The following EPC2 variants were observed in gnomAD, a reference collection of about 807,000 sequenced individuals.
EPC2 encodes enhancer of polycomb 2.
Under a neutral mutation model 92.1 loss-of-function variants are expected in EPC2, and 14 were observed. That is an observed-to-expected ratio of 0.15 (90% CI 0.10 to 0.24). The LOEUF (loss-of-function observed/expected upper bound fraction) is 0.24, where lower values mean the gene tolerates loss of function less well. Ranked by LOEUF, EPC2 falls within the 10% of genes least tolerant of loss-of-function variation. The pLI is 1.00. For missense variants in EPC2, 755 were observed against 971.5 expected (o/e 0.78, Z 2.96); for synonymous variants, 340 against 334.7 (o/e 1.02, Z -0.17).
chr2:148,689,714 T>C (rs1360389402), intron 1 of EPC2, among the ~76,000 whole-genome samples: 1 of 152,240 alleles, frequency 6.6e-6, no homozygotes, highest in Non-Finnish European at 1.5e-5. Flanking sequence ...ATTTAACCTT[T>C]ATTTAAAAAT....
chr2:148,775,637 A>AATAAAATCT (rs1683617674), intron 10 of EPC2, among the ~76,000 whole-genome samples: 1 of 6,144 alleles, frequency 1.6e-4, no homozygotes, highest in Non-Finnish European at 4.8e-4. Context: ...AATATCTTTA[A>AATAAAATCT]TTAAATAAAA....
chr2:148,681,109 T>C (rs766251746), intron 1 of EPC2, among the ~76,000 whole-genome samples: 1 of 152,172 alleles, frequency 6.6e-6, no homozygotes, highest in African/African-American at 2.4e-5. Flanking sequence ...GGGGACAAAG[T>C]GGTAGATGCA....
At chr2:148,726,779 T>TTTGTTTTTTTTTTTTTA (rs1682507082) in intron 2 of EPC2, among the ~76,000 whole-genome samples, 1 of 147,344 alleles carries the variant, frequency 6.8e-6, no homozygotes, top group African/African-American at 2.5e-5. Flanking sequence ...TTTTTTTTTT[T>TTTGTTTTTTTTTTTTTA]GCGTTTTTTT....
At chr2:148,649,420 T>A (rs1680617390) in intron 1 of EPC2, among the ~76,000 whole-genome samples, 1 of 152,234 alleles carries the variant, frequency 6.6e-6, no homozygotes, top group African/African-American at 2.4e-5. Context: ...TTTCTACAAT[T>A]TCATATAAAT....
At chr2:148,759,252 C>T (rs142503838) in intron 4 of EPC2, among the ~76,000 whole-genome samples, 3,832 of 152,208 alleles carry the variant, frequency 0.025, 57 homozygotes, top group East Asian at 0.031. Context: ...ATCACCACAC[C>T]CAGCTAATTT....
intron 7 of EPC2, among the ~76,000 whole-genome samples, chr2:148,766,948 C>G (rs1683421604): frequency 1.3e-5 from 2 of 152,076 alleles, no homozygotes. Flanking sequence ...CTTTGGGAAG[C>G]CGAAGCAGGT....
intron 1 of EPC2, among the ~76,000 whole-genome samples, chr2:148,653,688 C>T (rs1680732398): frequency 6.6e-6 from 1 of 151,206 alleles, no homozygotes; most frequent in South Asian, 2.1e-4. Context: ...CCTATCTTTG[C>T]TTCCCTGCTT....
intron 10 of EPC2, among the ~76,000 whole-genome samples, chr2:148,773,817 T>A (rs558542384): frequency 2.0e-5 from 3 of 152,152 alleles, no homozygotes; most frequent in Non-Finnish European, 4.4e-5. Context: ...GTTCCATGAA[T>A]GTGGATAGGA....
intron 2 of EPC2, among the ~76,000 whole-genome samples, chr2:148,707,421 C>G (rs907945624): frequency 2.6e-5 from 4 of 152,148 alleles, no homozygotes; most frequent in African/African-American, 9.7e-5. Context: ...ACCCCACTGT[C>G]AACATTAGAC....
chr2:148,700,493 C>A (rs180895755), intron 2 of EPC2, among the ~76,000 whole-genome samples: 2 of 148,218 alleles, frequency 1.3e-5, no homozygotes, highest in East Asian at 2.0e-4. Flanking sequence ...CCCTCCCCCC[C>A]GCCCCGCATT....
chr2:148,669,823 G>A (rs1681120545), intron 1 of EPC2, among the ~76,000 whole-genome samples: 1 of 152,162 alleles, frequency 6.6e-6, no homozygotes, highest in African/African-American at 2.4e-5. Context: ...TACTGAATCA[G>A]TATTTTTTGC....
chr2:148,681,573 A>G (rs1156502745), intron 1 of EPC2, among the ~76,000 whole-genome samples: 2 of 152,206 alleles, frequency 1.3e-5, no homozygotes, highest in African/African-American at 4.8e-5. Context: ...ACAAACGTAT[A>G]TGACTGAAAT....
chr2:148,761,262 TCA>T (rs1683296220), intron 4 of EPC2, among the ~76,000 whole-genome samples: 1 of 152,224 alleles, frequency 6.6e-6, no homozygotes, highest in Admixed American at 6.5e-5. Context: ...TATCCTACTT[TCA>T]GTTTTCTGAG....
chr2:148,693,757 T>C (rs1681687018), intron 2 of EPC2, among the ~76,000 whole-genome samples: 1 of 152,208 alleles, frequency 6.6e-6, no homozygotes, highest in Non-Finnish European at 1.5e-5. Flanking sequence ...AGTTATGCCT[T>C]ATTTTGTTAT....
intron 2 of EPC2, among the ~76,000 whole-genome samples, chr2:148,712,948 T>C (rs1389218206): frequency 1.3e-5 from 2 of 151,902 alleles, no homozygotes; most frequent in African/African-American, 4.8e-5. Context: ...GGTAATCACT[T>C]TGGGAGGCGT....
chr2:148,665,252 C>G (rs1336022552), intron 1 of EPC2, among the ~76,000 whole-genome samples: 4 of 152,102 alleles, frequency 2.6e-5, no homozygotes, highest in African/African-American at 7.2e-5. Context: ...CCTTAGTATT[C>G]AAGGAATGCA....
Position 148,690,379 on chromosome 2 carries a change from TTTG to T in EPC2, c.313+9_313+11del, listed in dbSNP as rs1330171200. ...ACAGTTCATTCATATTCAGCGTAAG[TTTG>T]TTAATTCATTGTTTTCTGTTTGTAC... On this transcript the variant is annotated splice_region_variant and intron_variant, in intron 2 of 13. Coordinates refer to ENST00000258484, the MANE Select transcript of EPC2 (RefSeq NM_015630.4). The T allele has an allele frequency of 1.9e-6, 3 of 1,571,386 alleles. No individual in the cohort carries two copies. Among genetic ancestry groups the T allele is most frequent in the African/African-American group, 2.7e-5 (2 of 72,892 alleles).
intron 1 of EPC2, among the ~76,000 whole-genome samples, chr2:148,656,142 A>C (rs1344321947): frequency 6.6e-6 from 1 of 151,734 alleles, no homozygotes; most frequent in East Asian, 1.9e-4. Context: ...TCCTAAAGTT[A>C]GCTTTTTAAT....
intron 1 of EPC2, among the ~76,000 whole-genome samples, chr2:148,646,305 G>C (rs545581093): frequency 5.9e-5 from 9 of 152,266 alleles, no homozygotes; most frequent in Admixed American, 3.9e-4. Context: ...TTGGCTGGTT[G>C]AGTTCTGACC....
Sources: gnomAD v4.1 joint callset for allele counts (sites outside exome capture counted in the v4.1 genomes callset) on GRCh38, gnomAD v4.1.1 for gene constraint, MANE v1.5 for transcripts, NCBI Gene and HGNC (gene_info 2026-07-23, HGNC 2026-07-21) for gene names.